CDH13: variants seen among roughly 807,000 people sequenced by gnomAD.
CDH13 encodes the protein cadherin-13.
CDH13 carries 24 observed loss-of-function variants against 63.8 expected under a neutral mutation model. The observed-to-expected ratio is 0.38, with a 90% CI of 0.27 to 0.53. CDH13 has a LOEUF of 0.53. Among genes scored for constraint, CDH13 ranks in the 20% least tolerant of loss-of-function variants. CDH13 has a pLI of 0.85. For synonymous variants in CDH13, 503 were observed against 355.3 expected (o/e 1.42, Z -4.67); for missense variants, 1,049 against 903.1 (o/e 1.16, Z -2.07).
At position 83,508,108 on chromosome 16, in the gene CDH13, GAA is replaced by G. The variant is rs761076993; in HGVS notation, c.960+21456_960+21457del. Among the ~76,000 whole-genome samples the G allele has an allele frequency of 1.0e-2, 454 of 45,552 alleles. 11 individuals are homozygous for G. The highest frequency in any genetic ancestry group is 0.014 in the South Asian group (13 of 902). The allele number at this position is 45,552 out of a possible 152,430, so 29.9% of individuals were successfully genotyped here. On this transcript the variant is annotated intron_variant, in intron 7 of 13. Transcript: ENST00000567109. ...GGAAGGAAGGAAGGAAAGAAGGAAG[GAA>G]AAGGAAGGAAGGGAGGAAGGAAAGG...
chr16:83,485,122 G>A (rs1212892965), intron 6 of CDH13, among the ~76,000 whole-genome samples: 3 of 152,194 alleles, frequency 2.0e-5, no homozygotes, highest in African/African-American at 7.2e-5. Flanking sequence ...AAATATCTCA[G>A]TGTGAGAATA....
At chr16:83,221,469 ACT>A (rs1272715342) in intron 5 of CDH13, among the ~76,000 whole-genome samples, 4 of 152,168 alleles carry the variant, frequency 2.6e-5, no homozygotes, top group African/African-American at 9.7e-5. Flanking sequence ...TGATATGTGA[ACT>A]CTTCACTGGA....
At chr16:83,599,765 G>T (rs967647264) in intron 7 of CDH13, among the ~76,000 whole-genome samples, 3 of 151,972 alleles carry the variant, frequency 2.0e-5, no homozygotes, top group Non-Finnish European at 4.4e-5. Flanking sequence ...CTTCAATATT[G>T]GGGGAGAATC....
intron 1 of CDH13, among the ~76,000 whole-genome samples, chr16:82,649,610 C>T (rs1008448014): frequency 2.8e-4 from 42 of 152,054 alleles, no homozygotes; most frequent in African/African-American, 1.0e-3. Flanking sequence ...CTAGTCAGAG[C>T]ATGGCATGTA....
At position 83,652,803 on chromosome 16, in the gene CDH13, A is replaced by C. The variant is rs542776168; in HGVS notation, c.1102-17987A>C. On this transcript the variant is annotated intron_variant, in intron 8 of 13. Transcript: ENST00000567109. ...ACCCAGCAGCTCCACTCCTAGGTGTAAACCGAAGAGAATGAAGGCATAAGT... is the reference window on the plus strand; with the variant it reads ...ACCCAGCAGCTCCACTCCTAGGTGTCAACCGAAGAGAATGAAGGCATAAGT... 2.6e-5 allele frequency among the ~76,000 whole-genome samples: 4 copies of C among 152,322 alleles called. No individual in the cohort carries two copies. The South Asian group carries it at 8.3e-4, about 32-fold the overall frequency.
At chr16:82,794,109 T>A (rs1163428829) in intron 1 of CDH13, among the ~76,000 whole-genome samples, 1 of 151,958 alleles carries the variant, frequency 6.6e-6, no homozygotes, top group Non-Finnish European at 1.5e-5. Context: ...TGACTTTGAA[T>A]GAGGCCCAAC....
At chr16:83,488,985 C>G (rs978624138) in intron 7 of CDH13, among the ~76,000 whole-genome samples, 4 of 152,098 alleles carry the variant, frequency 2.6e-5, no homozygotes, top group African/African-American at 7.2e-5. Context: ...GATGACTTCC[C>G]AAGGCTCTCT....
chr16:83,414,325 C>G (rs12919362), intron 6 of CDH13, among the ~76,000 whole-genome samples: 1 of 152,000 alleles, frequency 6.6e-6, no homozygotes, highest in Non-Finnish European at 1.5e-5. Context: ...GCAATTTAAT[C>G]TTTTAAAGTA....
chr16:83,620,497 G>T (rs1455669778), intron 8 of CDH13, among the ~76,000 whole-genome samples: 1 of 151,792 alleles, frequency 6.6e-6, no homozygotes, highest in Non-Finnish European at 1.5e-5. Flanking sequence ...ATGGCTAGGA[G>T]ATTGCTGGGG....
intron 3 of CDH13, among the ~76,000 whole-genome samples, chr16:83,066,687 A>G (rs1271235591): frequency 1.3e-5 from 2 of 152,348 alleles, no homozygotes; most frequent in East Asian, 1.9e-4. Flanking sequence ...TGAAATACAC[A>G]AAGTCCAAAC....
intron 1 of CDH13, among the ~76,000 whole-genome samples, chr16:82,691,427 G>A (rs1373965405): frequency 6.6e-6 from 1 of 152,174 alleles, no homozygotes; most frequent in Non-Finnish European, 1.5e-5. Flanking sequence ...GAAAGTTGGT[G>A]AATGGGTGTC....
chr16:82,704,946 C>T (rs530293066), intron 1 of CDH13: 7 of 345,468 alleles, frequency 2.0e-5, no homozygotes, highest in African/African-American at 1.5e-4. Context: ...TATTGACAGA[C>T]ACCTAAGGCA....
chr16:83,295,199 C>G (rs1187857566), intron 5 of CDH13, among the ~76,000 whole-genome samples: 3 of 152,038 alleles, frequency 2.0e-5, no homozygotes, highest in African/African-American at 7.2e-5. Flanking sequence ...AAATTGGACT[C>G]CTATCTGACA....
intron 5 of CDH13, among the ~76,000 whole-genome samples, chr16:83,285,104 T>C (rs1158508600): frequency 6.6e-6 from 1 of 152,200 alleles, no homozygotes; most frequent in Non-Finnish European, 1.5e-5. Flanking sequence ...TTTTTAACCT[T>C]CAGAAGTACA....
chr16:83,409,861 C>T (rs1381260366), intron 6 of CDH13, among the ~76,000 whole-genome samples: 1 of 152,096 alleles, frequency 6.6e-6, no homozygotes, highest in Non-Finnish European at 1.5e-5. Flanking sequence ...TTTTCTAAAT[C>T]CTGACTTGTG....
chr16:82,639,861 C>G (rs1283496670), intron 1 of CDH13, among the ~76,000 whole-genome samples: 2 of 152,242 alleles, frequency 1.3e-5, no homozygotes, highest in East Asian at 1.9e-4. Context: ...GACAGACACT[C>G]TCTCCCTTGA....
At chr16:83,748,762 C>A (rs1162184320) in intron 11 of CDH13, among the ~76,000 whole-genome samples, 1 of 152,202 alleles carries the variant, frequency 6.6e-6, no homozygotes, top group African/African-American at 2.4e-5. Context: ...AATGCACTAT[C>A]CATATGCCAG....
rs78419705 is a variant in CDH13 at position 83,699,029 on chromosome 16, C to T, written c.1538+20568C>T. Among the ~76,000 whole-genome samples the T allele has an allele frequency of 8.0e-3, 1,217 of 152,330 alleles. 4 individuals are homozygous for T. The highest frequency in any genetic ancestry group is 0.011 in the Admixed American group (172 of 15,302). The stretch of plus-strand genomic sequence containing the variant: ...TTTGTGTGTGTTCTACTCTGTGCTG[C>T]GAGCTCTTTAGGGGAAGGCCTGAAT... On this transcript the variant is annotated intron_variant, in intron 10 of 13. Transcript: ENST00000567109.
chr16:82,933,475 T>G (rs2042564367), intron 2 of CDH13, among the ~76,000 whole-genome samples: 1 of 152,110 alleles, frequency 6.6e-6, no homozygotes, highest in South Asian at 2.1e-4. Flanking sequence ...GAGATTTGGG[T>G]GGGGACACAG....
Sources: gnomAD v4.1 joint callset for allele counts (sites outside exome capture counted in the v4.1 genomes callset) on GRCh38, gnomAD v4.1.1 for gene constraint, MANE v1.5 for transcripts, NCBI Gene and HGNC (gene_info 2026-07-23, HGNC 2026-07-21) for gene names.